PAN3: variants seen among roughly 807,000 people sequenced by gnomAD.
The protein encoded by PAN3 is PAN2-PAN3 deadenylation complex subunit PAN3.
Under a neutral mutation model 96.2 loss-of-function variants are expected in PAN3, and 19 were observed. The ratio of observed to expected loss-of-function variants is 0.20; its 90% confidence interval spans 0.14 to 0.29. The LOEUF is 0.29. Ranked by LOEUF, PAN3 falls within the 10% of genes least tolerant of loss-of-function variation. The probability of loss-of-function intolerance (pLI) is 1.00; values close to 1 mark genes in which losing one functional copy is unlikely to be tolerated. For missense variants in PAN3, 882 were observed against 1,108.1 expected, an observed-to-expected ratio of 0.80 and a Z score of 2.90; for synonymous variants, 433 against 406.6, an observed-to-expected ratio of 1.06 and a Z score of -0.78.
intron 4 of PAN3, among the ~76,000 whole-genome samples, chr13:28,187,866 T>A (rs556059958): frequency 8.5e-5 from 13 of 152,226 alleles, no homozygotes; most frequent in African/African-American, 2.9e-4. Flanking sequence ...GCTAATTTTT[T>A]AAATTCTTGT....
At chr13:28,242,818 T>C (rs1186659351) in intron 6 of PAN3, among the ~76,000 whole-genome samples, 1 of 152,214 alleles carries the variant, frequency 6.6e-6, no homozygotes, top group Non-Finnish European at 1.5e-5. Context: ...CTCCAGTTGT[T>C]CCCAGGTTGT....
intron 1 of PAN3, among the ~76,000 whole-genome samples, chr13:28,152,337 A>G (rs1197962951): frequency 6.6e-6 from 1 of 152,112 alleles, no homozygotes; most frequent in East Asian, 1.9e-4. Context: ...TAATCCCACT[A>G]CTTTGGGAAG....
At chr13:28,241,166 C>T (rs1037425744) in intron 6 of PAN3, among the ~76,000 whole-genome samples, 3 of 151,904 alleles carry the variant, frequency 2.0e-5, no homozygotes, top group Admixed American at 2.0e-4. Flanking sequence ...GAGGCTGAGG[C>T]AGTATATGAT....
intron 8 of PAN3, 98 bp downstream of exon 8, chr13:28,260,649 C>A: frequency 2.1e-6 from 2 of 968,160 alleles, no homozygotes; most frequent in Non-Finnish European, 3.2e-6. Context: ...ATTATTTAAT[C>A]AAATATGCTC....
At position 28,256,376 on chromosome 13, in the gene PAN3, A is replaced by C. The variant is rs905413973; in HGVS notation, c.1085A>C (p.His362Pro). 14 of 1,613,912 alleles carry C rather than the reference A, an allele frequency of 8.7e-6. No individual in the cohort carries two copies. Among genetic ancestry groups the C allele is most frequent in the Non-Finnish European group, 1.2e-5 (14 of 1,179,890 alleles). ...HTSPAPRRRS[H>P]TPNPASYMVP... is the part of the protein sequence containing the mutation. ...TCTCCTGCTCCCAGAAGAAGAAGTC[A>C]CACTCCAAATCCAGCAAGTTACATG... Residue 362 changes from histidine (H) to proline (P), a missense_variant, in exon 7 of 19, where the codon CAC becomes CCC. Physicochemically the swap from His to Pro is moderately conservative, Grantham distance 77. Around this residue, in one of 3 missense-constraint regions of PAN3, gnomAD observed 364 missense variants for 513.6 expected, o/e 0.71. Coordinates refer to ENST00000380958, the MANE Select transcript of PAN3 (RefSeq NM_175854.8).
intron 15 of PAN3, among the ~76,000 whole-genome samples, chr13:28,278,056 A>G (rs930053280): frequency 6.6e-6 from 1 of 152,276 alleles, no homozygotes; most frequent in Admixed American, 6.5e-5. Flanking sequence ...AGGGTGGGCA[A>G]CCACGACCTT....
At chr13:28,226,460 A>T (rs1322348481) in intron 6 of PAN3, among the ~76,000 whole-genome samples, 1 of 152,154 alleles carries the variant, frequency 6.6e-6, no homozygotes, top group African/African-American at 2.4e-5. Flanking sequence ...GTATCCTTCT[A>T]ATTAATTAAT....
At chr13:28,288,962 G>A (rs1869348658) in intron 18 of PAN3, among the ~76,000 whole-genome samples, 1 of 151,546 alleles carries the variant, frequency 6.6e-6, no homozygotes, top group Admixed American at 6.6e-5. Flanking sequence ...AAGTAGCTGG[G>A]ACTACAGGCA....
intron 1 of PAN3, among the ~76,000 whole-genome samples, chr13:28,150,368 G>A (rs1056804824): frequency 6.6e-6 from 1 of 152,178 alleles, no homozygotes; most frequent in African/African-American, 2.4e-5. Flanking sequence ...GCTCATGCCT[G>A]TAATCCCAGC....
chr13:28,161,709 T>G (rs537251826), intron 1 of PAN3, among the ~76,000 whole-genome samples: 51 of 152,334 alleles, frequency 3.3e-4, no homozygotes, highest in African/African-American at 1.2e-3. Context: ...ACTTGTTCTC[T>G]TCATGACTGT....
chr13:28,290,271 T>C (rs1467380709), intron 18 of PAN3, among the ~76,000 whole-genome samples: 3 of 152,248 alleles, frequency 2.0e-5, no homozygotes, highest in Admixed American at 1.3e-4. Flanking sequence ...GAACTATTAA[T>C]GTACAGTGTG....
chr13:28,228,881 G>A (rs892913263), intron 6 of PAN3, among the ~76,000 whole-genome samples: 1 of 152,162 alleles, frequency 6.6e-6, no homozygotes, highest in Non-Finnish European at 1.5e-5. Context: ...GATCCAAAAT[G>A]TAATGACATG....
At position 28,139,034 on chromosome 13, in the gene PAN3, C is replaced by G. The variant is rs1460164498; in HGVS notation, c.377C>G (p.Ala126Gly). 5 of 1,275,298 alleles carry G rather than the reference C, an allele frequency of 3.9e-6. No homozygotes were observed. In the Middle Eastern group the frequency reaches 8.9e-4, roughly 226 times the overall value. The allele number at this position is 1,275,298 out of a possible 1,614,324, so 79.0% of individuals were successfully genotyped here. ...GACCTGGGGGACCCGGGGACCGGAGCCGCAGCCGGCGGAGGAGGCAGTAGC... is the reference window on the plus strand; with the variant it reads ...GACCTGGGGGACCCGGGGACCGGAGGCGCAGCCGGCGGAGGAGGCAGTAGC... ...KPDLGDPGTG[A>G]AAGGGGSSGG... Residue 126 changes from alanine (A) to glycine (G), a missense_variant, in exon 1 of 19, where the codon GCC (alanine) becomes GGC (glycine). Around this residue, in one of 3 missense-constraint regions of PAN3, gnomAD observed 442 missense variants for 422.8 expected, o/e 1.05. Coordinates refer to ENST00000380958, the MANE Select transcript of PAN3 (RefSeq NM_175854.8).
chr13:28,237,260 T>C (rs1358698702), intron 6 of PAN3, among the ~76,000 whole-genome samples: 1 of 152,146 alleles, frequency 6.6e-6, no homozygotes. Context: ...CAGTTTTATT[T>C]GCCATCAGCT....
intron 1 of PAN3, among the ~76,000 whole-genome samples, chr13:28,148,569 A>G (rs1481260462): frequency 1.3e-5 from 2 of 152,234 alleles, no homozygotes; most frequent in Non-Finnish European, 2.9e-5. Flanking sequence ...AAGAGTACAT[A>G]GTGAAAAATA....
chr13:28,290,808 ATAAT>A (rs1335306350), intron 18 of PAN3, among the ~76,000 whole-genome samples: 1 of 152,238 alleles, frequency 6.6e-6, no homozygotes, highest in Non-Finnish European at 1.5e-5. Flanking sequence ...TATGTAGAAA[ATAAT>A]TCTGTCAGAT....
intron 5 of PAN3, among the ~76,000 whole-genome samples, chr13:28,212,364 A>C (rs541901874): frequency 7.4e-4 from 112 of 152,354 alleles, no homozygotes; most frequent in African/African-American, 2.6e-3. Context: ...TAAGCAGTTT[A>C]GCTACAACAG....
At chr13:28,226,363 C>T (rs971420504) in intron 6 of PAN3, among the ~76,000 whole-genome samples, 41 of 152,260 alleles carry the variant, frequency 2.7e-4, no homozygotes, top group African/African-American at 9.6e-4. Flanking sequence ...CAAATAATTA[C>T]AGCTCAAATT....
chr13:28,227,600 T>C (rs762228371), intron 6 of PAN3, among the ~76,000 whole-genome samples: 1 of 152,196 alleles, frequency 6.6e-6, no homozygotes, highest in Non-Finnish European at 1.5e-5. Flanking sequence ...AGTCTTCAGT[T>C]CTATAAGAAG....
Sources: gnomAD v4.1 joint callset for allele counts (sites outside exome capture counted in the v4.1 genomes callset) on GRCh38, gnomAD v4.1.1 for gene constraint, gnomAD v4.1.1 regional missense constraint, MANE v1.5 for transcripts, NCBI Gene and HGNC (gene_info 2026-07-23, HGNC 2026-07-21) for gene names.